FAM135B: variants seen among roughly 807,000 people sequenced by gnomAD.
The protein encoded by FAM135B is protein FAM135B.
In FAM135B, 43 loss-of-function variants were observed where a neutral mutation model predicts 127.7. The ratio of observed to expected loss-of-function variants is 0.34; its 90% confidence interval spans 0.26 to 0.43. FAM135B has a LOEUF of 0.43. Ranked by LOEUF, FAM135B falls within the 20% of genes least tolerant of loss-of-function variation. The pLI is 1.00. For missense variants in FAM135B, 1,558 were observed against 1,725.6 expected, an observed-to-expected ratio of 0.90 and a Z score of 1.72; for synonymous variants, 670 against 665.1, an observed-to-expected ratio of 1.01 and a Z score of -0.11.
chr8:138,480,176 G>A (rs1322637086), intron 1 of FAM135B, among the ~76,000 whole-genome samples: 2 of 152,144 alleles, frequency 1.3e-5, no homozygotes, highest in Non-Finnish European at 2.9e-5. Context: ...ATTTCCTCAT[G>A]TGAATTCCAT....
In FAM135B at chr8:138,242,924, G is replaced by A; in HGVS notation, c.669+18C>T. The A allele has an allele frequency of 6.2e-7, 1 of 1,605,460 alleles. No homozygotes were observed. The highest frequency in any genetic ancestry group is 8.5e-7 in the Non-Finnish European group (1 of 1,177,294). On this transcript the variant is annotated intron_variant, in intron 7 of 19. Coordinates refer to ENST00000395297, the MANE Select transcript of FAM135B (RefSeq NM_015912.4). The surrounding 1 kb of genome is among the most constrained non-coding windows in gnomAD (Gnocchi z 9.6). ...AAAGTTTGAAAGTTTTGAAGCAACTGCCCCACACAGGCCTTACCTCTGAGG... is the reference window on the plus strand; with the variant it reads ...AAAGTTTGAAAGTTTTGAAGCAACTACCCCACACAGGCCTTACCTCTGAGG...
In FAM135B at chr8:138,368,700, T is replaced by C. The variant is rs114960239; in HGVS notation, c.-19-698A>G. 7.1e-3 allele frequency among the ~76,000 whole-genome samples: 1,079 copies of C among 152,152 alleles called. 16 individuals are homozygous for C. The highest frequency in any genetic ancestry group is 0.024 in the African/African-American group (991 of 41,516). On this transcript the variant is annotated intron_variant, in intron 1 of 19. Coordinates refer to ENST00000395297, the MANE Select transcript of FAM135B (RefSeq NM_015912.4). ...ACTTGACAGGTTGCTAATTTTCCAA[T>C]TAGCTGTTACTGGGGGTCAGTAACA...
intron 1 of FAM135B, among the ~76,000 whole-genome samples, chr8:138,404,150 C>T (rs7846402): frequency 0.4 from 60,654 of 151,846 alleles, 12,576 homozygotes; most frequent in African/African-American, 0.52. Context: ...ATATTTGCTA[C>T]TTAAATAAAA....
intron 7 of FAM135B, among the ~76,000 whole-genome samples, chr8:138,232,680 T>C (rs1441568723): frequency 6.6e-6 from 1 of 152,202 alleles, no homozygotes; most frequent in African/African-American, 2.4e-5. Flanking sequence ...ATTCTTAAAA[T>C]AGTAAAAGTT....
At chr8:138,473,296 T>C (rs1814171434) in intron 1 of FAM135B, among the ~76,000 whole-genome samples, 1 of 152,116 alleles carries the variant, frequency 6.6e-6, no homozygotes, top group South Asian at 2.1e-4. Flanking sequence ...CACAAAAATC[T>C]AAAGTCTTCT....
intron 3 of FAM135B, among the ~76,000 whole-genome samples, chr8:138,285,396 C>G (rs1824599661): frequency 6.6e-6 from 1 of 152,062 alleles, no homozygotes; most frequent in Admixed American, 6.5e-5. Flanking sequence ...ATACGCCCAC[C>G]TCGGCCTCCC....
intron 1 of FAM135B, among the ~76,000 whole-genome samples, chr8:138,374,737 T>G (rs943563673): frequency 2.6e-5 from 4 of 152,094 alleles, no homozygotes; most frequent in Non-Finnish European, 5.9e-5. Flanking sequence ...TCATTAGAGG[T>G]ATCCGAAAAG....
At position 138,152,095 on chromosome 8, in the gene FAM135B, C is replaced by A. The variant is rs762013653; in HGVS notation, c.2380G>T (p.Gly794Cys). The change falls in exon 13 of 20, where the codon GGT (glycine) becomes TGT (cysteine). Residue 794 changes from glycine to cysteine, a missense_variant. Physicochemically the swap from Gly to Cys is radical, Grantham distance 159. Around this residue, in one of 5 missense-constraint regions of FAM135B, gnomAD observed 923 missense variants for 865.3 expected, o/e 1.07. Coordinates refer to ENST00000395297, the MANE Select transcript of FAM135B (RefSeq NM_015912.4). ...TGCATATCTGAAGGTTCAGCAAAAC[C>A]TCCATCTTGCTGCTTGGTGTCCGCA... ...EDADTKQQDG[G>C]FAEPSDMHSK... 2 of 1,613,882 alleles carry A rather than the reference C, an allele frequency of 1.2e-6. No homozygotes were observed. Among genetic ancestry groups the A allele is most frequent in the Admixed American group, 3.3e-5 (2 of 60,018 alleles).
At chr8:138,418,937 C>G (rs35177215) in intron 1 of FAM135B, among the ~76,000 whole-genome samples, 10,101 of 147,174 alleles carry the variant, frequency 0.069, 784 homozygotes, top group East Asian at 0.26. Flanking sequence ...ACTACAACAA[C>G]TACACAATAA....
chr8:138,225,507 AAACT>A (rs1343673051), intron 7 of FAM135B, among the ~76,000 whole-genome samples: 2 of 152,086 alleles, frequency 1.3e-5, no homozygotes, highest in African/African-American at 4.8e-5. Flanking sequence ...AAAAAGAAAA[AAACT>A]TTTTCAATTC....
chr8:138,333,889 CT>C (rs1326527035), intron 2 of FAM135B, among the ~76,000 whole-genome samples: 1 of 152,146 alleles, frequency 6.6e-6, no homozygotes, highest in Non-Finnish European at 1.5e-5. Flanking sequence ...AATCTAACCA[CT>C]GACCTCCTGA....
intron 2 of FAM135B, 90 bp from the exon 3 acceptor site, chr8:138,311,010 G>A (rs1383849136): frequency 2.1e-6 from 2 of 958,228 alleles, no homozygotes; most frequent in Non-Finnish European, 3.1e-6. Context: ...GAAAGCCATA[G>A]GAAATCAGGG....
intron 7 of FAM135B, among the ~76,000 whole-genome samples, chr8:138,232,763 T>A (rs1331848662): frequency 9.2e-5 from 14 of 152,228 alleles, no homozygotes; most frequent in African/African-American, 3.4e-4. Context: ...CTTGGTAACT[T>A]ATTTTTTATT....
chr8:138,157,086 A>C (rs1818832972), intron 12 of FAM135B, among the ~76,000 whole-genome samples: 1 of 152,212 alleles, frequency 6.6e-6, no homozygotes, highest in Non-Finnish European at 1.5e-5. Context: ...CACATCAAAA[A>C]GCTTATCCAC....
intron 1 of FAM135B, among the ~76,000 whole-genome samples, chr8:138,481,517 T>C (rs1814781422): frequency 6.6e-6 from 1 of 152,206 alleles, no homozygotes; most frequent in Non-Finnish European, 1.5e-5. Context: ...CAGGCTTTTG[T>C]GAAAGCACCG....
intron 5 of FAM135B, among the ~76,000 whole-genome samples, chr8:138,252,717 AC>A (rs1821784727): frequency 6.6e-6 from 1 of 152,176 alleles, no homozygotes. Flanking sequence ...AATAAAGCAA[AC>A]AAAAAAATTA....
At chr8:138,315,486 G>A (rs1210859059) in intron 2 of FAM135B, among the ~76,000 whole-genome samples, 5 of 152,014 alleles carry the variant, frequency 3.3e-5, no homozygotes, top group African/African-American at 9.7e-5. Flanking sequence ...CCAACAGGAC[G>A]TCAAAGTCAG....
intron 11 of FAM135B, among the ~76,000 whole-genome samples, chr8:138,174,321 C>T (rs147773435): frequency 4.2e-4 from 64 of 152,286 alleles, no homozygotes; most frequent in African/African-American, 1.5e-3. Flanking sequence ...TTTGGGAGTG[C>T]GCTGCTGCCT....
intron 3 of FAM135B, among the ~76,000 whole-genome samples, chr8:138,295,290 T>C (rs1233650530): frequency 1.3e-5 from 2 of 151,792 alleles, no homozygotes; most frequent in African/African-American, 4.8e-5. Flanking sequence ...TGGGAACCCA[T>C]CATGTTGGTT....
Sources: allele counts gnomAD v4.1 joint callset (sites outside exome capture counted in the v4.1 genomes callset), GRCh38; gene constraint gnomAD v4.1.1; regional missense constraint gnomAD v4.1.1; non-coding constraint Gnocchi (gnomAD v3.1); transcripts MANE v1.5; gene names NCBI Gene and HGNC (gene_info 2026-07-23, HGNC 2026-07-21).